The following KSR2 variants were observed in gnomAD, a reference collection of about 807,000 sequenced individuals.
KSR2 encodes kinase suppressor of ras 2.
A neutral mutation model predicts 107.8 loss-of-function variants in KSR2; 25 were observed. The observed-to-expected ratio is 0.23, with a 90% CI of 0.17 to 0.32. KSR2 has a LOEUF of 0.32. Ranked by LOEUF, KSR2 falls within the 10% of genes least tolerant of loss-of-function variation. The probability of loss-of-function intolerance (pLI) is 1.00; values close to 1 mark genes in which losing one functional copy is unlikely to be tolerated. For missense variants in KSR2, 887 were observed against 1,268.9 expected, an observed-to-expected ratio of 0.70 and a Z score of 4.57; for synonymous variants, 480 against 507.0, an observed-to-expected ratio of 0.95 and a Z score of 0.71.
chr12:117,843,333 C>G (rs978358129), intron 3 of KSR2, among the ~76,000 whole-genome samples: 1 of 152,192 alleles, frequency 6.6e-6, no homozygotes, highest in Non-Finnish European at 1.5e-5. Flanking sequence ...GTTTCCCATT[C>G]TACTAAGAAG....
At position 117,812,842 on chromosome 12, in the gene KSR2, C is replaced by CAAAA. The variant is rs3073170; in HGVS notation, c.472+42582_472+42585dup. ...GGAACCACAAAAGACCCCAAATAGC[C>CAAAA]AAAAAAAAAAAAAAAAATCATCCTG... On this transcript the variant is annotated intron_variant, in intron 3 of 19. Transcript: ENST00000339824. 6.8e-3 allele frequency among the ~76,000 whole-genome samples: 648 copies of CAAAA among 95,540 alleles called. 17 individuals carry two copies. Among genetic ancestry groups the CAAAA allele is most frequent in the African/African-American group, 0.025 (425 of 17,084 alleles). 62.7% of individuals were successfully genotyped at this position (95,540 alleles called of 152,430 possible).
intron 10 of KSR2, among the ~76,000 whole-genome samples, chr12:117,536,879 G>T (rs1023097443): frequency 2.6e-5 from 4 of 152,228 alleles, no homozygotes; most frequent in African/African-American, 9.6e-5. Context: ...TGTATATAAA[G>T]TCCTAGAAGT....
At chr12:117,774,056 C>T (rs1404504612) in intron 3 of KSR2, among the ~76,000 whole-genome samples, 1 of 152,146 alleles carries the variant, frequency 6.6e-6, no homozygotes, top group Non-Finnish European at 1.5e-5. Flanking sequence ...GGTTTCTGAT[C>T]CAGATCTGTA....
At chr12:117,759,829 C>T (rs893864107) in intron 4 of KSR2, among the ~76,000 whole-genome samples, 8 of 152,196 alleles carry the variant, frequency 5.3e-5, no homozygotes, top group African/African-American at 9.6e-5. Context: ...CCTCCCAGGT[C>T]GGGCATGATG....
At chr12:117,523,340 C>A (rs1417875447) in intron 14 of KSR2, among the ~76,000 whole-genome samples, 2 of 152,122 alleles carry the variant, frequency 1.3e-5, no homozygotes, top group African/African-American at 2.4e-5. Flanking sequence ...CTGAGTAGAG[C>A]AAGGAGAGAG....
Position 117,852,429 on chromosome 12 carries a change from AAAATAAAT to A in KSR2, c.472+2991_472+2998del, listed in dbSNP as rs533956774. On this transcript the variant is annotated intron_variant, in intron 3 of 19. Coordinates refer to ENST00000339824, the MANE Select transcript of KSR2 (RefSeq NM_173598.6). ...GGTGACAAGAGTAAGACTCTGTCTC[AAAATAAAT>A]AAATAAATAAATAAAAATCGGAGCA... Among the ~76,000 whole-genome samples, 831 of 151,074 alleles carry A rather than the reference AAAATAAAT, an allele frequency of 5.5e-3. 9 individuals are homozygous for A. The highest frequency in any genetic ancestry group is 0.019 in the African/African-American group (784 of 41,068).
At chr12:117,754,408 C>T (rs754038503) in intron 4 of KSR2, among the ~76,000 whole-genome samples, 2 of 152,146 alleles carry the variant, frequency 1.3e-5, no homozygotes, top group Admixed American at 6.5e-5. Flanking sequence ...GAGGCTGAGG[C>T]GGGAAGATCA....
rs143781879 is a variant in KSR2, at chr12:117,814,685, G to A, written c.472+40743C>T. Among the ~76,000 whole-genome samples, 232 of 152,288 alleles carry A rather than the reference G, an allele frequency of 1.5e-3. 1 individual carries two copies. The highest frequency in any genetic ancestry group is 5.3e-3 in the African/African-American group (222 of 41,552). On this transcript the variant is annotated intron_variant, in intron 3 of 19. Coordinates refer to ENST00000339824, the MANE Select transcript of KSR2 (RefSeq NM_173598.6). Reference sequence around the variant, plus strand: ...TCCATTCAGAGAGCACTCGGGAGGCGTCTAGGGGCATGAAGAGTGAACTCT... The same window carrying A: ...TCCATTCAGAGAGCACTCGGGAGGCATCTAGGGGCATGAAGAGTGAACTCT...
chr12:117,672,339 C>T (rs1176103420), intron 4 of KSR2, among the ~76,000 whole-genome samples: 1 of 152,166 alleles, frequency 6.6e-6, no homozygotes, highest in Non-Finnish European at 1.5e-5. Flanking sequence ...GCTTTGGGGT[C>T]AGAGAGACTG....
intron 5 of KSR2, among the ~76,000 whole-genome samples, chr12:117,637,068 A>G (rs1220092491): frequency 1.3e-5 from 2 of 152,158 alleles, no homozygotes; most frequent in East Asian, 1.9e-4. Flanking sequence ...CTCATCAGCA[A>G]TTAGGGAAAT....
At chr12:117,664,355 C>T (rs1884564989) in intron 5 of KSR2, among the ~76,000 whole-genome samples, 2 of 152,152 alleles carry the variant, frequency 1.3e-5, no homozygotes, top group Non-Finnish European at 2.9e-5. Flanking sequence ...CAGTGCAGAC[C>T]AGAGCCAGAG....
At position 117,784,171 on chromosome 12, in the gene KSR2, C is replaced by G. The variant is rs1476617332; in HGVS notation, c.473-22647G>C. Among the ~76,000 whole-genome samples the G allele has an allele frequency of 2.6e-5, 4 of 152,094 alleles. No homozygotes were observed. In the East Asian group the frequency reaches 5.8e-4, roughly 22 times the overall value. The stretch of plus-strand genomic sequence containing the variant: ...CTCAGTGATATGGCTTGGCTGTGTC[C>G]CCACCCAAATCTCACCTTGAATTGT... On this transcript the variant is annotated intron_variant, in intron 3 of 19. Transcript: ENST00000339824.
rs1592957693 is a variant in KSR2 at position 117,527,063 on chromosome 12, A to G, written c.1851+8T>C. On this transcript the variant is annotated splice_region_variant and intron_variant, in intron 13 of 19. Coordinates refer to ENST00000339824, the MANE Select transcript of KSR2 (RefSeq NM_173598.6). ...GAAAATGTCGCTTCACTGCTCTCTG[A>G]TTCTCACCTCCGACGTTGGCTCCAC... The G allele has an allele frequency of 1.1e-5, 18 of 1,613,164 alleles. No individual in the cohort carries two copies. The highest frequency in any genetic ancestry group is 1.4e-5 in the Non-Finnish European group (16 of 1,179,284).
chr12:117,737,475 G>A (rs1887989353), intron 4 of KSR2, among the ~76,000 whole-genome samples: 1 of 151,984 alleles, frequency 6.6e-6, no homozygotes, highest in Non-Finnish European at 1.5e-5. Flanking sequence ...TTATTTACTG[G>A]CCATTTCTTT....
intron 1 of KSR2, among the ~76,000 whole-genome samples, chr12:117,872,029 T>G (rs1893671344): frequency 6.6e-6 from 1 of 152,190 alleles, no homozygotes; most frequent in Non-Finnish European, 1.5e-5. Context: ...CATTTGCCAA[T>G]CATAAAGACA....
chr12:117,947,019 A>T (rs1029222801), intron 1 of KSR2, among the ~76,000 whole-genome samples: 1 of 151,514 alleles, frequency 6.6e-6, no homozygotes, highest in Non-Finnish European at 1.5e-5. Flanking sequence ...ACAAAAAAAA[A>T]TTAGCTGGGT....
At position 117,860,677 on chromosome 12, in the gene KSR2, G is replaced by C. The variant is rs143641115; in HGVS notation, c.181-246C>G. Among the ~76,000 whole-genome samples the C allele has an allele frequency of 9.1e-4, 139 of 152,282 alleles. 1 individual carries two copies. Among genetic ancestry groups the C allele is most frequent in the Middle Eastern group, 3.4e-3 (1 of 294 alleles). On this transcript the variant is annotated intron_variant, in intron 1 of 19. Coordinates refer to ENST00000339824, the MANE Select transcript of KSR2 (RefSeq NM_173598.6). The stretch of plus-strand genomic sequence containing the variant: ...GGCGCACATTAGTACCAGTTCAGTG[G>C]AGGGCCTTTTGATCTCACAATTGCA...
chr12:117,489,846 C>G (rs1872656919), intron 14 of KSR2, among the ~76,000 whole-genome samples: 1 of 152,138 alleles, frequency 6.6e-6, no homozygotes, highest in Non-Finnish European at 1.5e-5. Flanking sequence ...ATGACTGAGG[C>G]TAGGGCGGCC....
intron 13 of KSR2, 90 bp from the exon 14 acceptor site, chr12:117,525,309 G>A: frequency 7.2e-7 from 1 of 1,380,068 alleles, no homozygotes; most frequent in South Asian, 1.5e-5. Flanking sequence ...CACATGCGTA[G>A]GTCTGGGCAC....
Sources: allele counts gnomAD v4.1 joint callset (sites outside exome capture counted in the v4.1 genomes callset), GRCh38; gene constraint gnomAD v4.1.1; transcripts MANE v1.5; gene names NCBI Gene and HGNC (gene_info 2026-07-23, HGNC 2026-07-21).